WWOX: variants seen among roughly 807,000 people sequenced by gnomAD.
WWOX encodes WW domain containing oxidoreductase.
A neutral mutation model predicts 46.2 loss-of-function variants in WWOX; 69 were observed. That is an observed-to-expected ratio of 1.49 (90% CI 1.23 to 1.82). The LOEUF (loss-of-function observed/expected upper bound fraction) is 1.82. Among genes scored for constraint, WWOX ranks in the 40% most tolerant of loss-of-function variants. WWOX has a pLI of 0.00. For synonymous variants in WWOX, 359 were observed against 202.6 expected (o/e 1.77, Z -6.56); for missense variants, 919 against 542.6 (o/e 1.69, Z -6.89).
chr16:78,977,550 T>A (rs569433962), intron 8 of WWOX, among the ~76,000 whole-genome samples: 1 of 151,850 alleles, frequency 6.6e-6, no homozygotes, highest in South Asian at 2.1e-4. Flanking sequence ...TCTGGGGGAG[T>A]CGCTTAATTT....
intron 8 of WWOX, among the ~76,000 whole-genome samples, chr16:79,144,956 T>C (rs529610855): frequency 2.6e-5 from 4 of 152,142 alleles, no homozygotes; most frequent in Non-Finnish European, 4.4e-5. Flanking sequence ...ATATGTAGGG[T>C]TTGGAACCAT....
intron 8 of WWOX, among the ~76,000 whole-genome samples, chr16:79,049,864 A>C (rs1415824669): frequency 6.7e-6 from 1 of 149,726 alleles, no homozygotes; most frequent in African/African-American, 2.5e-5. Context: ...GTTACTTCTG[A>C]GTTAAAATAT....
At position 78,386,486 on chromosome 16, in the gene WWOX, A is replaced by C. The variant is rs375933802; in HGVS notation, c.517-374A>C. On this transcript the variant is annotated intron_variant, in intron 5 of 8. Coordinates refer to ENST00000566780, the MANE Select transcript of WWOX (RefSeq NM_016373.4). ...AGCTTTTGAAATTAAGATATTGTCC[A>C]TTGCATCTTTCCATGATCGAGGCGT... 2.6e-5 allele frequency among the ~76,000 whole-genome samples: 4 copies of C among 152,290 alleles called. No individual in the cohort carries two copies. In the East Asian group the frequency reaches 5.8e-4, roughly 22 times the overall value.
intron 8 of WWOX, among the ~76,000 whole-genome samples, chr16:78,483,344 C>T (rs1416985677): frequency 1.3e-5 from 2 of 151,686 alleles, no homozygotes; most frequent in African/African-American, 4.9e-5. Flanking sequence ...GAAAAGTCTC[C>T]CGTCTGCAGA....
chr16:78,521,399 G>A (rs1384032506), intron 8 of WWOX, among the ~76,000 whole-genome samples: 3 of 151,950 alleles, frequency 2.0e-5, no homozygotes, highest in Non-Finnish European at 2.9e-5. Context: ...GGTGGTGATG[G>A]GGATATTCCA....
At chr16:78,424,004 G>C (rs1284004758) in intron 6 of WWOX, among the ~76,000 whole-genome samples, 2 of 151,738 alleles carry the variant, frequency 1.3e-5, no homozygotes, top group East Asian at 1.9e-4. Flanking sequence ...TTTACACAGA[G>C]CGATTACCCC....
intron 8 of WWOX, among the ~76,000 whole-genome samples, chr16:78,749,521 C>T (rs574341216): frequency 6.6e-6 from 1 of 151,924 alleles, no homozygotes; most frequent in African/African-American, 2.4e-5. Flanking sequence ...GTTGTTGTTA[C>T]AATTGTTGTT....
At chr16:78,745,522 CTTTTTTTTTT>C (rs5818168) in intron 8 of WWOX, among the ~76,000 whole-genome samples, 2 of 92,752 alleles carry the variant, frequency 2.2e-5, no homozygotes, top group Non-Finnish European at 4.1e-5. Context: ...TGTGGAAATC[CTTTTTTTTTT>C]TTTTTTTTTT....
intron 8 of WWOX, among the ~76,000 whole-genome samples, chr16:79,124,265 C>T (rs907850744): frequency 5.9e-5 from 9 of 152,036 alleles, no homozygotes; most frequent in East Asian, 1.9e-4. Context: ...GCAGAGCGCT[C>T]GGCAAATGGT....
At chr16:78,788,338 C>T (rs1348898305) in intron 8 of WWOX, among the ~76,000 whole-genome samples, 1 of 152,194 alleles carries the variant, frequency 6.6e-6, no homozygotes, top group African/African-American at 2.4e-5. Flanking sequence ...TGTTAGGCAT[C>T]AGGAAACAGA....
intron 8 of WWOX, among the ~76,000 whole-genome samples, chr16:79,065,160 G>C (rs762226966): frequency 6.6e-6 from 1 of 152,196 alleles, no homozygotes; most frequent in South Asian, 2.1e-4. Context: ...AAACTTGATA[G>C]AGTGAACAAA....
chr16:78,582,840 C>T lies in WWOX; in HGVS notation c.1056+150088C>T, dbSNP rs140051084. Among the ~76,000 whole-genome samples, 656 of 152,252 alleles carry T rather than the reference C, an allele frequency of 4.3e-3. 1 individual carries two copies. The highest frequency in any genetic ancestry group is 6.8e-3 in the Non-Finnish European group (465 of 68,026). On this transcript the variant is annotated intron_variant, in intron 8 of 8. Transcript: ENST00000566780. Reference sequence around the variant, plus strand: ...CCTGAAGACCTGGTATGTCTTATGTCAGTTACAAGAGGCCCTTCTAGTGAT... The same window carrying T: ...CCTGAAGACCTGGTATGTCTTATGTTAGTTACAAGAGGCCCTTCTAGTGAT...
intron 8 of WWOX, among the ~76,000 whole-genome samples, chr16:79,006,311 A>T (rs2047189865): frequency 6.6e-6 from 1 of 152,158 alleles, no homozygotes; most frequent in African/African-American, 2.4e-5. Flanking sequence ...GTCCAGGGAC[A>T]CACAGCCGTG....
intron 5 of WWOX, among the ~76,000 whole-genome samples, chr16:78,303,813 G>A (rs1048024270): frequency 4.6e-5 from 7 of 152,112 alleles, no homozygotes; most frequent in African/African-American, 1.7e-4. Flanking sequence ...CCAAAGTGCT[G>A]GGATTACAGG....
chr16:78,875,591 C>T (rs1199487681), intron 8 of WWOX, among the ~76,000 whole-genome samples: 2 of 152,140 alleles, frequency 1.3e-5, no homozygotes, highest in Non-Finnish European at 1.5e-5. Flanking sequence ...TCTTCATATC[C>T]CTTATCTCAA....
chr16:79,204,876 C>T (rs141172912), intron 8 of WWOX: 1 of 152,362 alleles, frequency 6.6e-6, no homozygotes, highest in African/African-American at 2.4e-5. Flanking sequence ...AAATATTTCA[C>T]AGAGGAGTAA....
chr16:78,691,229 T>C (rs1482494042), intron 8 of WWOX: 1 of 702,140 alleles, frequency 1.4e-6, no homozygotes, highest in Admixed American at 2.0e-5. Flanking sequence ...GCTTCTCTTG[T>C]TTGTGATTCC....
At chr16:78,684,912 C>T (rs1567489353) in intron 8 of WWOX, among the ~76,000 whole-genome samples, 2 of 152,154 alleles carry the variant, frequency 1.3e-5, no homozygotes, top group Admixed American at 1.3e-4. Context: ...TAGTATGTAT[C>T]AGAAACTAGT....
chr16:79,131,014 A>T (rs191312648), intron 8 of WWOX, among the ~76,000 whole-genome samples: 4 of 152,132 alleles, frequency 2.6e-5, no homozygotes, highest in Non-Finnish European at 5.9e-5. Flanking sequence ...CCTTTTTTGG[A>T]TGAAGTTATA....
Sources: allele counts gnomAD v4.1 joint callset (sites outside exome capture counted in the v4.1 genomes callset), GRCh38; gene constraint gnomAD v4.1.1; transcripts MANE v1.5; gene names NCBI Gene and HGNC (gene_info 2026-07-23, HGNC 2026-07-21).